Variants in SLC4A2 observed in about 807,000 individuals in gnomAD.
SLC4A2 encodes the protein solute carrier family 4 member 2.
Under a neutral mutation model 115.0 loss-of-function variants are expected in SLC4A2, and 36 were observed. The observed-to-expected ratio is 0.31, with a 90% CI of 0.24 to 0.41. SLC4A2 has a LOEUF of 0.41. SLC4A2 is among the 10% of genes least tolerant of loss of function. SLC4A2 has a pLI of 1.00. For synonymous variants in SLC4A2, 708 were observed against 708.3 expected (o/e 1.00, Z 0.01); for missense variants, 1,252 against 1,705.6 (o/e 0.73, Z 4.68).
At position 151,072,116 on chromosome 7, in the gene SLC4A2, A is replaced by G; in HGVS notation, c.2515A>G (p.Thr839Ala). 1 of 1,613,650 alleles carries G rather than the reference A, an allele frequency of 6.2e-7. No homozygotes were observed. Among genetic ancestry groups the G allele is most frequent in the Non-Finnish European group, 8.5e-7 (1 of 1,179,882 alleles). Residue 839 changes from threonine (T) to alanine (A), a missense_variant, in exon 16 of 23, where the codon ACC (threonine) becomes GCC (alanine). By Grantham distance (58) the Thr-to-Ala change is moderately conservative. This residue lies in a region of SLC4A2 where 118 missense variants were observed against 203.3 expected (regional missense o/e 0.58). Transcript: ENST00000413384. ...GATCTCACTCATCTTCATCTATGAG[A>G]CCTTCTACAAGCTGGTGAAGGTGGG... ...FLISLIFIYE[T>A]FYKLVKIFQE...
At position 151,064,704 on chromosome 7, in the gene SLC4A2, C is replaced by A; in HGVS notation, c.396C>A (p.Ser132Arg). The stretch of plus-strand genomic sequence containing the variant: ...GGGAGGAAGATGAGGATGAGGCCAG[C>A]GAGGCTGAGGGGGCCCGGGCTCTCA... ...EEGEEDEDEA[S>R]EAEGARALTQ... Residue 132 changes from serine (S) to arginine (R), a missense_variant, in exon 4 of 23, where the codon AGC becomes AGA. Physicochemically the swap from Ser to Arg is moderately radical, Grantham distance 110. Coordinates refer to ENST00000413384, the MANE Select transcript of SLC4A2 (RefSeq NM_003040.4). The A allele has an allele frequency of 2.5e-6, 4 of 1,613,338 alleles. No individual in the cohort carries two copies. The highest frequency in any genetic ancestry group is 3.4e-6 in the Non-Finnish European group (4 of 1,179,654).
rs1291908700 is a variant in SLC4A2 at position 151,076,444 on chromosome 7, C to T, written c.*77C>T. 4 of 1,134,688 alleles carry T rather than the reference C, an allele frequency of 3.5e-6. No individual in the cohort carries two copies. Among genetic ancestry groups the T allele is most frequent in the Non-Finnish European group, 4.8e-6 (4 of 825,950 alleles). 70.3% of individuals were successfully genotyped at this position (1,134,688 alleles called of 1,614,324 possible). A position where few individuals can be genotyped will look rare whatever the true frequency, so the allele number is the denominator to read the frequency against. ...GGATGGGGTTCCCCCTCCCATGCCC[C>T]TCCCTCCTTTTTATTTAAGTGAATA... On this transcript the variant is annotated 3_prime_UTR_variant, in exon 23 of 23. Transcript: ENST00000413384.
chr7:151,074,969 C>A, intron 19 of SLC4A2, 128 bp downstream of exon 19: 1 of 1,002,606 alleles, frequency 1.0e-6, no homozygotes, highest in Non-Finnish European at 1.4e-6. Flanking sequence ...GCCCAGATGG[C>A]CACAGTTTAT....
rs34606713 is a variant in SLC4A2, at chr7:151,060,149, C to T, written c.-64+387C>T. ...GCCCAGACTGGGGGTTGCCCGGGGCCCCCATCCCCAATCTCCGGGTTGAGA... is the reference window on the plus strand; with the variant it reads ...GCCCAGACTGGGGGTTGCCCGGGGCTCCCATCCCCAATCTCCGGGTTGAGA... On this transcript the variant is annotated intron_variant, in intron 1 of 22. Transcript: ENST00000413384. This position sits in a 1 kb window ranked among gnomAD's most constrained non-coding sequence, Gnocchi z 5.9. 0.021 allele frequency: 3,229 copies of T among 152,402 alleles called. 110 individuals carry two copies. The highest frequency in any genetic ancestry group is 0.073 in the African/African-American group (3,022 of 41,538). The allele number at this position is 152,402 out of a possible 1,614,324, so 9.4% of individuals were successfully genotyped here.
At chr7:151,062,412 C>T (rs960441242) in intron 2 of SLC4A2, 33 of 801,048 alleles carry the variant, frequency 4.1e-5, no homozygotes, top group Non-Finnish European at 5.4e-5. Flanking sequence ...TCGCCTGCCA[C>T]GACTGGCCAC....
chr7:151,063,125 C>A (rs1191715826), intron 2 of SLC4A2: 24 of 1,522,772 alleles, frequency 1.6e-5, no homozygotes, highest in Middle Eastern at 1.8e-4. Context: ...TGAGCTCTTA[C>A]AAGCGCCGCA....
In SLC4A2 at chr7:151,066,620, C is replaced by T. The variant is rs957017539; in HGVS notation, c.682C>T (p.Pro228Ser). The T allele has an allele frequency of 2.6e-6, 4 of 1,549,592 alleles. No individual in the cohort carries two copies. Among genetic ancestry groups the T allele is most frequent in the Non-Finnish European group, 3.5e-6 (4 of 1,146,850 alleles). The part of the protein sequence containing the change: ...ASGRPLPKAQ[P>S]GHRSYNLQER... ...GGGGCGCCCCCTGCCCAAAGCCCAGCCTGGGCACCGCAGCTACAACCTTCA... is the reference window on the plus strand; with the variant it reads ...GGGGCGCCCCCTGCCCAAAGCCCAGTCTGGGCACCGCAGCTACAACCTTCA... Residue 228 changes from proline (P) to serine (S), a missense_variant, in exon 6 of 23, where the codon CCT becomes TCT. Physicochemically the swap from Pro to Ser is moderately conservative, Grantham distance 74. Transcript: ENST00000413384.
In SLC4A2 at chr7:151,070,915, A is replaced by G. The variant is rs1250016824; in HGVS notation, c.1749+4A>G. On this transcript the variant is annotated splice_donor_region_variant and intron_variant, in intron 12 of 22. Transcript: ENST00000413384. ...CTCCACCCTCATGTCAGACAAGGTC[A>G]GCTACCCTCCTCCTCTGGGCCCTGC... The G allele has an allele frequency of 1.9e-6, 3 of 1,611,966 alleles. No individual in the cohort carries two copies. Among genetic ancestry groups the G allele is most frequent in the East Asian group, 2.2e-5 (1 of 44,874 alleles).
At chr7:151,061,480 A>T in intron 1 of SLC4A2, 1 of 153,290 alleles carries the variant, frequency 6.5e-6, no homozygotes, top group African/African-American at 2.5e-5. Flanking sequence ...GGGGTGTCTC[A>T]CCCTCCCCAC....
intron 16 of SLC4A2, among the ~76,000 whole-genome samples, chr7:151,073,252 CTTTATTTTATTTTAT>C (rs3062437): frequency 5.5e-5 from 8 of 146,412 alleles, no homozygotes; most frequent in South Asian, 2.2e-4. Flanking sequence ...CCCAGTCCAT[CTTTATTTTATTTTAT>C]TTTATTTTAT....
At chr7:151,068,322 A>G (rs1226788246) in intron 8 of SLC4A2, among the ~76,000 whole-genome samples, 2 of 152,186 alleles carry the variant, frequency 1.3e-5, no homozygotes, top group African/African-American at 2.4e-5. Flanking sequence ...CCTTGGTACC[A>G]TCTTAGAGAT....
At chr7:151,067,814 A>C in intron 7 of SLC4A2, 60 bp from the exon 8 acceptor site, 1 of 1,490,064 alleles carries the variant, frequency 6.7e-7, no homozygotes, top group South Asian at 1.2e-5. Context: ...CACCTCTGAC[A>C]CCCACCCCAG....
At chr7:151,066,819 G>C in intron 6 of SLC4A2, 32 bp from the exon 7 acceptor site, 1 of 1,600,742 alleles carries the variant, frequency 6.2e-7, no homozygotes, top group African/African-American at 1.3e-5. Context: ...GAGAGAAAGG[G>C]GGAGCCCAAC....
chr7:151,071,917 A>C lies in SLC4A2; in HGVS notation c.2341-25A>C, dbSNP rs376408474. The C allele has an allele frequency of 4.3e-6, 7 of 1,611,860 alleles. No homozygotes were observed. Among genetic ancestry groups the C allele is most frequent in the Non-Finnish European group, 5.9e-6 (7 of 1,178,386 alleles). ...CCCACAGCATCCCCACCCAGAGCTC[A>C]GGACCTGACTGCCCCTCCCTCCAGT... On this transcript the variant is annotated intron_variant, in intron 15 of 22. Coordinates refer to ENST00000413384, the MANE Select transcript of SLC4A2 (RefSeq NM_003040.4). This position sits in a 1 kb window ranked among gnomAD's most constrained non-coding sequence, Gnocchi z 5.5.
chr7:151,071,827 C>T lies in SLC4A2; in HGVS notation c.2330C>T (p.Ala777Val). Reference sequence around the variant, plus strand: ...GGGCCCCTGCTGGTCTTTGAGGAGGCCTTCTTCTCGGTGAGGGCTCTTCTC... The same window carrying T: ...GGGCCCCTGCTGGTCTTTGAGGAGGTCTTCTTCTCGGTGAGGGCTCTTCTC... ...FSGPLLVFEE[A>V]FFSFCSSNHL... Residue 777 changes from alanine to valine, a missense_variant, in exon 15 of 23, where the codon GCC (alanine) becomes GTC (valine). Ala to Val is a moderately conservative substitution (Grantham distance 64). This residue lies in a region of SLC4A2 where 118 missense variants were observed against 203.3 expected (regional missense o/e 0.58). Transcript: ENST00000413384. This position sits in a 1 kb window ranked among gnomAD's most constrained non-coding sequence, Gnocchi z 5.5. 1.2e-6 allele frequency: 2 copies of T among 1,602,712 alleles called. No individual in the cohort carries two copies. The highest frequency in any genetic ancestry group is 2.2e-5 in the East Asian group (1 of 44,816).
At position 151,071,360 on chromosome 7, in the gene SLC4A2, G is replaced by A. The variant is rs1425555756; in HGVS notation, c.1976-30G>A. On this transcript the variant is annotated intron_variant, in intron 13 of 22. Transcript: ENST00000413384. The surrounding 1 kb of genome is among the most constrained non-coding windows in gnomAD (Gnocchi z 5.5). ...GGGGGTGAGGTGGGCAAGAGGGGCTGGGGCGCCCTGACGGAGGCCTGGGTT... is the reference window on the plus strand; with the variant it reads ...GGGGGTGAGGTGGGCAAGAGGGGCTAGGGCGCCCTGACGGAGGCCTGGGTT... 9 of 1,559,146 alleles carry A rather than the reference G, an allele frequency of 5.8e-6. No individual in the cohort carries two copies. Among genetic ancestry groups the A allele is most frequent in the Non-Finnish European group, 6.9e-6 (8 of 1,156,784 alleles).
chr7:151,063,623 A>G (rs926975459), intron 2 of SLC4A2, among the ~76,000 whole-genome samples: 28 of 149,564 alleles, frequency 1.9e-4, no homozygotes, highest in Non-Finnish European at 3.4e-4. Flanking sequence ...CTGGGGGGAC[A>G]CTGGGTCACT....
chr7:151,076,369 C>A lies in SLC4A2; in HGVS notation c.*2C>A. The A allele has an allele frequency of 6.7e-7, 1 of 1,491,622 alleles. No homozygotes were observed. Among genetic ancestry groups the A allele is most frequent in the Non-Finnish European group, 8.9e-7 (1 of 1,120,182 alleles). The allele number at this position is 1,491,622 out of a possible 1,614,324, so 92.4% of individuals were successfully genotyped here. On this transcript the variant is annotated 3_prime_UTR_variant, in exon 23 of 23. Coordinates refer to ENST00000413384, the MANE Select transcript of SLC4A2 (RefSeq NM_003040.4). ...AATGAGATGCCCATGCCTGTGTAGCCGCCACCGAGGGACAGCCGAGGGACC... is the reference window on the plus strand; with the variant it reads ...AATGAGATGCCCATGCCTGTGTAGCAGCCACCGAGGGACAGCCGAGGGACC...
chr7:151,070,910 A>G lies in SLC4A2; in HGVS notation c.1748A>G (p.Lys583Arg). 6.2e-7 allele frequency: 1 copy of G among 1,612,276 alleles called. No individual in the cohort carries two copies. Among genetic ancestry groups the G allele is most frequent in the Non-Finnish European group, 8.5e-7 (1 of 1,179,856 alleles). ...GRSISTLMSD[K>R]QFHEAAYLAD... ...TCCATCTCCACCCTCATGTCAGACA[A>G]GGTCAGCTACCCTCCTCCTCTGGGC... The change falls in exon 12 of 23, where the codon AAG becomes AGG. Residue 583 changes from lysine to arginine, a missense_variant and splice_region_variant. Lys to Arg is a conservative substitution (Grantham distance 26). Around this residue, in one of 14 missense-constraint regions of SLC4A2, gnomAD observed 87 missense variants for 170.3 expected, o/e 0.51. Coordinates refer to ENST00000413384, the MANE Select transcript of SLC4A2 (RefSeq NM_003040.4).
Sources: gnomAD v4.1 joint callset for allele counts (sites outside exome capture counted in the v4.1 genomes callset) on GRCh38, gnomAD v4.1.1 for gene constraint, gnomAD v4.1.1 regional missense constraint, Gnocchi (gnomAD v3.1) non-coding constraint, MANE v1.5 for transcripts, NCBI Gene and HGNC (gene_info 2026-07-23, HGNC 2026-07-21) for gene names.